The following CCSER1 variants were observed in gnomAD, a reference collection of about 807,000 sequenced individuals.
CCSER1 encodes coiled-coil serine rich protein 1, also known as serine-rich coiled-coil domain-containing protein 1.
In CCSER1, 41 loss-of-function variants were observed where a neutral mutation model predicts 82.0. The ratio of observed to expected loss-of-function variants is 0.50; its 90% CI spans 0.39 to 0.65. The LOEUF (loss-of-function observed/expected upper bound fraction) is 0.65, where lower values mean the gene tolerates loss of function less well. Among genes scored for constraint, CCSER1 ranks in the 30% least tolerant of loss-of-function variants. The pLI, the probability that CCSER1 is intolerant of heterozygous loss-of-function variation, is 0.00. For missense variants in CCSER1, 1,119 were observed against 1,064.2 expected (o/e 1.05, Z -0.72); for synonymous variants, 414 against 383.9 (o/e 1.08, Z -0.92).
intron 3 of CCSER1, among the ~76,000 whole-genome samples, chr4:90,358,855 A>G (rs1744797452): frequency 6.6e-6 from 1 of 152,186 alleles, no homozygotes; most frequent in Non-Finnish European, 1.5e-5. Context: ...AACATCAACA[A>G]ATATTCATTC....
At chr4:91,072,213 TTTAG>T (rs1466932859) in intron 9 of CCSER1, among the ~76,000 whole-genome samples, 2 of 152,162 alleles carry the variant, frequency 1.3e-5, no homozygotes, top group Non-Finnish European at 2.9e-5. Context: ...AGTTTAATAT[TTTAG>T]TTAGCCTTAA....
At chr4:90,819,629 C>G (rs1666684779) in intron 8 of CCSER1, among the ~76,000 whole-genome samples, 1 of 152,052 alleles carries the variant, frequency 6.6e-6, no homozygotes, top group African/African-American at 2.4e-5. Context: ...TTTGGGTAAA[C>G]TATTCAGATT....
At chr4:90,397,462 C>T (rs1369951194) in intron 3 of CCSER1, among the ~76,000 whole-genome samples, 2 of 152,142 alleles carry the variant, frequency 1.3e-5, no homozygotes, top group South Asian at 2.1e-4. Flanking sequence ...TGAACAACCA[C>T]CTTGAAAACA....
At chr4:90,517,227 A>G (rs1772412438) in intron 5 of CCSER1, among the ~76,000 whole-genome samples, 1 of 152,156 alleles carries the variant, frequency 6.6e-6, no homozygotes, top group African/African-American at 2.4e-5. Context: ...TGAAAAACAG[A>G]ATGTTGTATA....
intron 5 of CCSER1, among the ~76,000 whole-genome samples, chr4:90,507,189 C>T (rs1770818979): frequency 6.6e-6 from 1 of 152,054 alleles, no homozygotes; most frequent in African/African-American, 2.4e-5. Flanking sequence ...GCAGTGATTA[C>T]TTCTTTCCTG....
intron 6 of CCSER1, among the ~76,000 whole-genome samples, chr4:90,653,274 A>G (rs1265386397): frequency 6.6e-6 from 1 of 152,144 alleles, no homozygotes; most frequent in Non-Finnish European, 1.5e-5. Flanking sequence ...TTTTTATAAA[A>G]AGTGTATTTT....
chr4:91,383,786 C>T (rs1751093396), intron 10 of CCSER1, among the ~76,000 whole-genome samples: 1 of 152,018 alleles, frequency 6.6e-6, no homozygotes, highest in South Asian at 2.1e-4. Flanking sequence ...AGGAATATAG[C>T]CTGAATATTT....
At chr4:90,152,924 G>A (rs1727158206) in intron 1 of CCSER1, among the ~76,000 whole-genome samples, 1 of 149,462 alleles carries the variant, frequency 6.7e-6, no homozygotes. Context: ...TAGGGTACAT[G>A]TGCACAATGT....
At chr4:91,225,992 A>T (rs983661958) in intron 10 of CCSER1, among the ~76,000 whole-genome samples, 2 of 151,916 alleles carry the variant, frequency 1.3e-5, no homozygotes, top group African/African-American at 4.8e-5. Context: ...CAAAAACATT[A>T]GCAGAATTAA....
chr4:91,319,069 A>T, intron 10 of CCSER1: 1 of 263,508 alleles, frequency 3.8e-6, no homozygotes, highest in South Asian at 3.4e-5. Flanking sequence ...TAATCTCCAG[A>T]ACTTGGTAAG....
chr4:90,359,291 T>C (rs986824051), intron 3 of CCSER1, among the ~76,000 whole-genome samples: 1 of 152,184 alleles, frequency 6.6e-6, no homozygotes, highest in Non-Finnish European at 1.5e-5. Flanking sequence ...CTTTCAAAAT[T>C]GTAAGCTAAT....
intron 10 of CCSER1, among the ~76,000 whole-genome samples, chr4:91,482,423 A>AAG (rs1560706560): frequency 6.7e-6 from 1 of 148,262 alleles, no homozygotes; most frequent in East Asian, 2.0e-4. Flanking sequence ...AAAAAAAAAA[A>AAG]AAAAAAAAAG....
chr4:91,159,114 A>T (rs1019022655), intron 10 of CCSER1, among the ~76,000 whole-genome samples: 4 of 151,876 alleles, frequency 2.6e-5, no homozygotes, highest in Non-Finnish European at 4.4e-5. Flanking sequence ...AACATTTGAG[A>T]TGTTACTAAC....
intron 8 of CCSER1, among the ~76,000 whole-genome samples, chr4:90,836,271 C>G (rs892271201): frequency 2.4e-4 from 36 of 152,064 alleles, no homozygotes; most frequent in Non-Finnish European, 1.8e-4. Flanking sequence ...ATCAAACTAA[C>G]CTTTGGGTCT....
At chr4:91,093,752 G>T (rs1440959202) in intron 10 of CCSER1, among the ~76,000 whole-genome samples, 2 of 152,184 alleles carry the variant, frequency 1.3e-5, no homozygotes, top group Non-Finnish European at 1.5e-5. Context: ...TAGTCCTAAG[G>T]CTGGGGCTGA....
chr4:91,248,681 A>G (rs375428670), intron 10 of CCSER1, among the ~76,000 whole-genome samples: 1 of 152,304 alleles, frequency 6.6e-6, no homozygotes. Flanking sequence ...GGTCAAATGT[A>G]ATGTGGTATC....
intron 4 of CCSER1, among the ~76,000 whole-genome samples, chr4:90,428,078 T>G (rs990362431): frequency 6.6e-6 from 1 of 151,908 alleles, no homozygotes; most frequent in Non-Finnish European, 1.5e-5. Flanking sequence ...TCTTTTCTTT[T>G]TCTATTTTCA....
intron 5 of CCSER1, among the ~76,000 whole-genome samples, chr4:90,491,100 A>G (rs1767940860): frequency 6.6e-6 from 1 of 152,126 alleles, no homozygotes; most frequent in African/African-American, 2.4e-5. Flanking sequence ...GAAACTATAA[A>G]TTACCTTGGG....
At chr4:90,526,736 G>GTA (rs1773811621) in intron 5 of CCSER1, among the ~76,000 whole-genome samples, 2 of 152,152 alleles carry the variant, frequency 1.3e-5, no homozygotes, top group African/African-American at 4.8e-5. Flanking sequence ...GTTCCATGGT[G>GTA]TATATGTGCC....
Sources: gnomAD v4.1 joint callset for allele counts (sites outside exome capture counted in the v4.1 genomes callset) on GRCh38, gnomAD v4.1.1 for gene constraint, MANE v1.5 for transcripts, NCBI Gene and HGNC (gene_info 2026-07-23, HGNC 2026-07-21) for gene names.